FAM107B: variants seen among roughly 807,000 people sequenced by gnomAD.
FAM107B encodes protein FAM107B.
A neutral mutation model predicts 31.5 loss-of-function variants in FAM107B; 21 were observed. That is an observed-to-expected ratio of 0.67 (90% CI 0.47 to 0.96). FAM107B has a LOEUF of 0.96. FAM107B is among the 40% of genes least tolerant of loss of function. FAM107B has a pLI of 0.00. For synonymous variants in FAM107B, 157 were observed against 141.5 expected (o/e 1.11, Z -0.78); for missense variants, 452 against 377.1 (o/e 1.20, Z -1.64).
At chr10:14,646,834 C>T (rs1193282627) in intron 2 of FAM107B, among the ~76,000 whole-genome samples, 1 of 128,374 alleles carries the variant, frequency 7.8e-6, no homozygotes, top group South Asian at 2.6e-4. Flanking sequence ...CACTCTGTCA[C>T]CCAGGCTGGA....
At chr10:14,623,701 C>T (rs945559140) in intron 2 of FAM107B, among the ~76,000 whole-genome samples, 2 of 152,268 alleles carry the variant, frequency 1.3e-5, no homozygotes, top group African/African-American at 4.8e-5. Context: ...TAGTGCAGGT[C>T]TGTAATCCCA....
intron 2 of FAM107B, among the ~76,000 whole-genome samples, chr10:14,561,614 G>T (rs1850250113): frequency 6.6e-6 from 1 of 152,144 alleles, no homozygotes; most frequent in Non-Finnish European, 1.5e-5. Flanking sequence ...AGGGCGAGAG[G>T]CCCCGCAGTT....
intron 2 of FAM107B, among the ~76,000 whole-genome samples, chr10:14,587,217 G>A (rs898374429): frequency 2.6e-5 from 4 of 152,074 alleles, no homozygotes; most frequent in Non-Finnish European, 4.4e-5. Flanking sequence ...AAAGTTCATC[G>A]TCCTTCTAAT....
intron 3 of FAM107B, among the ~76,000 whole-genome samples, chr10:14,529,029 G>A (rs1216511886): frequency 6.6e-6 from 1 of 152,190 alleles, no homozygotes; most frequent in Non-Finnish European, 1.5e-5. Context: ...CCAAAGAGGT[G>A]AAGATAATCT....
chr10:14,557,414 C>T (rs1298531666), intron 2 of FAM107B, among the ~76,000 whole-genome samples: 1 of 152,206 alleles, frequency 6.6e-6, no homozygotes. Context: ...TTGTACTAAA[C>T]TGGTCACAGT....
intron 1 of FAM107B, among the ~76,000 whole-genome samples, chr10:14,685,783 C>G (rs1854969187): frequency 6.6e-6 from 1 of 152,124 alleles, no homozygotes; most frequent in South Asian, 2.1e-4. Context: ...TCAGTCTGTT[C>G]TCACACCGCT....
At chr10:14,727,452 G>A (rs886944383) in intron 1 of FAM107B, among the ~76,000 whole-genome samples, 2 of 152,206 alleles carry the variant, frequency 1.3e-5, no homozygotes, top group African/African-American at 4.8e-5. Flanking sequence ...CTGCATGTCT[G>A]TGCCATGGGG....
At chr10:14,658,805 A>C (rs1380021757) in intron 2 of FAM107B, among the ~76,000 whole-genome samples, 6 of 152,258 alleles carry the variant, frequency 3.9e-5, no homozygotes, top group Admixed American at 3.3e-4. Flanking sequence ...CTAGGCATTC[A>C]TTATGTTTGC....
At chr10:14,759,310 A>AT (rs997305844) in intron 1 of FAM107B, among the ~76,000 whole-genome samples, 33 of 152,088 alleles carry the variant, frequency 2.2e-4, no homozygotes, top group Non-Finnish European at 3.7e-4. Flanking sequence ...ACTGACTTTT[A>AT]TTTTTTTTAA....
At chr10:14,611,517 TA>T (rs1564599726) in intron 2 of FAM107B, among the ~76,000 whole-genome samples, 9 of 116,604 alleles carry the variant, frequency 7.7e-5, no homozygotes, top group African/African-American at 3.3e-4. Context: ...TATATATATA[TA>T]TATATATATA....
At chr10:14,717,921 T>C (rs1165229451) in intron 1 of FAM107B, among the ~76,000 whole-genome samples, 1 of 152,194 alleles carries the variant, frequency 6.6e-6, no homozygotes, top group Non-Finnish European at 1.5e-5. Flanking sequence ...AGATTCTGCT[T>C]ACAGCCCAGA....
chr10:14,596,060 C>G (rs780100688), intron 2 of FAM107B, among the ~76,000 whole-genome samples: 32 of 152,346 alleles, frequency 2.1e-4, no homozygotes, highest in Middle Eastern at 6.8e-3. Flanking sequence ...CTGCACAGCT[C>G]TCTTCCTGCC....
intron 1 of FAM107B, among the ~76,000 whole-genome samples, chr10:14,734,786 C>T (rs1856260108): frequency 6.6e-6 from 1 of 152,040 alleles, no homozygotes; most frequent in East Asian, 1.9e-4. Flanking sequence ...GCTCAGTCAC[C>T]CAGGCTGGAG....
chr10:14,561,388 C>T (rs1033449538), intron 2 of FAM107B, among the ~76,000 whole-genome samples: 29 of 152,188 alleles, frequency 1.9e-4, no homozygotes, highest in African/African-American at 6.5e-4. Flanking sequence ...CATGAAACAC[C>T]GCGCTGAGAA....
intron 2 of FAM107B, among the ~76,000 whole-genome samples, chr10:14,568,489 G>T: frequency 6.7e-6 from 1 of 148,974 alleles, no homozygotes; most frequent in South Asian, 2.1e-4. Context: ...AGACCAGGAG[G>T]TGAAGATACT....
chr10:14,720,197 C>A (rs892590638), intron 1 of FAM107B, among the ~76,000 whole-genome samples: 1 of 152,188 alleles, frequency 6.6e-6, no homozygotes, highest in Non-Finnish European at 1.5e-5. Context: ...CCTGATGGTG[C>A]CAGAACCCCT....
intron 2 of FAM107B, among the ~76,000 whole-genome samples, chr10:14,659,302 A>G (rs556803146): frequency 4.3e-4 from 66 of 152,182 alleles, no homozygotes; most frequent in African/African-American, 1.4e-3. Context: ...TTAGCTGGGC[A>G]TGGTGGCGCG....
chr10:14,762,753 C>A (rs953317456), intron 1 of FAM107B, among the ~76,000 whole-genome samples: 1 of 72,652 alleles, frequency 1.4e-5, no homozygotes, highest in Non-Finnish European at 2.6e-5. Context: ...GAAACTCTGT[C>A]TCACACACAC....
intron 1 of FAM107B, among the ~76,000 whole-genome samples, chr10:14,737,536 C>T (rs1362613608): frequency 6.6e-6 from 1 of 151,952 alleles, no homozygotes; most frequent in Non-Finnish European, 1.5e-5. Context: ...ATTGCTTGAA[C>T]CTGGGAGAAG....
Sources: gnomAD v4.1 joint callset for allele counts (sites outside exome capture counted in the v4.1 genomes callset) on GRCh38, gnomAD v4.1.1 for gene constraint, MANE v1.5 for transcripts, NCBI Gene and HGNC (gene_info 2026-07-23, HGNC 2026-07-21) for gene names.